DAB1: variants seen among roughly 807,000 people sequenced by gnomAD.
DAB1 encodes the protein disabled homolog 1.
DAB1 carries 15 observed loss-of-function variants against 64.6 expected under a neutral mutation model. The observed-to-expected ratio is 0.23, with a 90% CI of 0.16 to 0.36. The LOEUF (loss-of-function observed/expected upper bound fraction) is 0.36, where lower values mean the gene tolerates loss of function less well. DAB1 is among the 10% of genes least tolerant of loss of function. The pLI, the probability that DAB1 is intolerant of heterozygous loss-of-function variation, is 1.00. For missense variants in DAB1, 596 were observed against 706.7 expected (o/e 0.84, Z 1.78); for synonymous variants, 235 against 251.9 (o/e 0.93, Z 0.64).
At chr1:57,600,109 A>G (rs1645559089) in intron 7 of DAB1, among the ~76,000 whole-genome samples, 1 of 151,986 alleles carries the variant, frequency 6.6e-6, no homozygotes, top group African/African-American at 2.4e-5. Flanking sequence ...GTGCCCCCTT[A>G]GTGATCCTAC....
At chr1:57,959,393 A>G (rs1354383744) in intron 5 of DAB1, among the ~76,000 whole-genome samples, 1 of 152,248 alleles carries the variant, frequency 6.6e-6, no homozygotes, top group Non-Finnish European at 1.5e-5. Flanking sequence ...AGAGGGCTTC[A>G]CATAAAAAAG....
chr1:57,203,885 GTTTGT>G (rs1036743970), intron 2 of DAB1, among the ~76,000 whole-genome samples: 8 of 151,970 alleles, frequency 5.3e-5, no homozygotes, highest in African/African-American at 1.7e-4. Context: ...AGTGTTTTTT[GTTTGT>G]TTTGTTTTGT....
intron 5 of DAB1, among the ~76,000 whole-genome samples, chr1:58,134,098 T>C (rs1261658293): frequency 2.6e-5 from 4 of 152,196 alleles, no homozygotes; most frequent in African/African-American, 9.7e-5. Flanking sequence ...ATTTTCTTAG[T>C]CCATTTGTAC....
chr1:58,357,962 A>G (rs1284611512), intron 3 of DAB1, among the ~76,000 whole-genome samples: 1 of 152,126 alleles, frequency 6.6e-6, no homozygotes, highest in Non-Finnish European at 1.5e-5. Context: ...CAGTTTTCTT[A>G]TGTTCCTGTA....
chr1:58,112,452 A>T (rs1055350517), intron 5 of DAB1, among the ~76,000 whole-genome samples: 6 of 152,210 alleles, frequency 3.9e-5, no homozygotes, highest in Admixed American at 2.0e-4. Flanking sequence ...GAAAGCAGAG[A>T]CTATGTTTTA....
intron 1 of DAB1, among the ~76,000 whole-genome samples, chr1:57,330,941 C>T (rs1208038965): frequency 6.6e-6 from 1 of 152,228 alleles, no homozygotes; most frequent in South Asian, 2.1e-4. Flanking sequence ...GTAGAGCCAC[C>T]TAAACAGCAT....
chr1:57,894,737 A>T (rs78539305), intron 5 of DAB1, among the ~76,000 whole-genome samples: 1,581 of 152,270 alleles, frequency 0.01, 21 homozygotes, highest in African/African-American at 0.035. Flanking sequence ...AAGGTTTGTA[A>T]GGGGCAACAG....
At chr1:57,009,239 G>C (rs527289071) in intron 14 of DAB1, among the ~76,000 whole-genome samples, 3 of 152,294 alleles carry the variant, frequency 2.0e-5, no homozygotes, top group South Asian at 4.1e-4. Flanking sequence ...ACCTCGTGGG[G>C]AATCATCCCA....
chr1:58,037,732 G>A (rs1647067506), intron 5 of DAB1, among the ~76,000 whole-genome samples: 1 of 151,902 alleles, frequency 6.6e-6, no homozygotes. Context: ...TTAGGCTAAA[G>A]TTACCTCTGT....
intron 1 of DAB1, among the ~76,000 whole-genome samples, chr1:58,532,201 C>T (rs1646444502): frequency 6.6e-6 from 1 of 152,054 alleles, no homozygotes; most frequent in Non-Finnish European, 1.5e-5. Context: ...CTGAGACTCC[C>T]AAAAGAGAAA....
upstream of DAB1, among the ~76,000 whole-genome samples, chr1:57,425,126 C>T (rs928272464): frequency 6.6e-5 from 10 of 152,124 alleles, no homozygotes; most frequent in Admixed American, 6.6e-4. Flanking sequence ...CTCCAGAGGC[C>T]TGAAATGCAG....
At chr1:57,518,908 C>T (rs1468116859) in intron 7 of DAB1, among the ~76,000 whole-genome samples, 1 of 152,140 alleles carries the variant, frequency 6.6e-6, no homozygotes, top group Non-Finnish European at 1.5e-5. Flanking sequence ...ACATCTGAGC[C>T]AGCTCTGGGG....
At chr1:57,369,629 T>G (rs1043422857) in intron 1 of DAB1, among the ~76,000 whole-genome samples, 2 of 152,176 alleles carry the variant, frequency 1.3e-5, no homozygotes, top group African/African-American at 4.8e-5. Flanking sequence ...TCATTGAATC[T>G]TCAACAGTCT....
At chr1:57,787,508 A>G (rs955241994) in intron 6 of DAB1, among the ~76,000 whole-genome samples, 4 of 152,148 alleles carry the variant, frequency 2.6e-5, no homozygotes, top group Admixed American at 2.0e-4. Flanking sequence ...ATATACAAAA[A>G]TTAATTAAAA....
At chr1:58,481,004 T>C in intron 3 of DAB1, 1 of 871,542 alleles carries the variant, frequency 1.1e-6, no homozygotes, top group Non-Finnish European at 2.0e-6. Flanking sequence ...ATGTTAATGG[T>C]ATTTGCTCCT....
At chr1:57,490,783 C>T (rs1297267684) in intron 7 of DAB1, among the ~76,000 whole-genome samples, 1 of 152,226 alleles carries the variant, frequency 6.6e-6, no homozygotes, top group Non-Finnish European at 1.5e-5. Context: ...AAATTGTATG[C>T]TCCTTCCACC....
At chr1:58,509,611 A>G (rs1347203650) in intron 2 of DAB1, among the ~76,000 whole-genome samples, 1 of 151,586 alleles carries the variant, frequency 6.6e-6, no homozygotes, top group African/African-American at 2.4e-5. Context: ...AAAAAAAAAA[A>G]AGGACTAAGC....
intron 5 of DAB1, among the ~76,000 whole-genome samples, chr1:57,902,372 T>G (rs1382436452): frequency 6.6e-6 from 1 of 152,112 alleles, no homozygotes. Flanking sequence ...CCAAATTATT[T>G]TGCCTGTATC....
chr1:57,881,993 A>G (rs1482341677), intron 1 of DAB1, among the ~76,000 whole-genome samples: 1 of 152,222 alleles, frequency 6.6e-6, no homozygotes, highest in Non-Finnish European at 1.5e-5. Flanking sequence ...CCCCACAGAA[A>G]TATTCAGGAA....
Sources: allele counts gnomAD v4.1 joint callset (sites outside exome capture counted in the v4.1 genomes callset), GRCh38; gene constraint gnomAD v4.1.1; transcripts MANE v1.5; gene names NCBI Gene and HGNC (gene_info 2026-07-23, HGNC 2026-07-21).